RGS7: variants seen among roughly 807,000 people sequenced by gnomAD.
RGS7 encodes regulator of G-protein signaling 7.
A neutral mutation model predicts 81.1 loss-of-function variants in RGS7; 27 were observed. The observed-to-expected ratio is 0.33, with a 90% CI of 0.25 to 0.46. The LOEUF (loss-of-function observed/expected upper bound fraction) is 0.46. RGS7 is among the 20% of genes least tolerant of loss of function. RGS7 has a pLI of 1.00. For synonymous variants in RGS7, 208 were observed against 207.7 expected (o/e 1.00, Z -0.01); for missense variants, 396 against 607.4 (o/e 0.65, Z 3.66).
intron 3 of RGS7, among the ~76,000 whole-genome samples, chr1:241,047,566 A>G (rs566383562): frequency 4.4e-4 from 67 of 152,256 alleles, no homozygotes; most frequent in African/African-American, 1.6e-3. Flanking sequence ...GAAATACAAC[A>G]TAACATACTT....
At chr1:240,793,611 A>ATATATATATATATATATATATATATT in intron 18 of RGS7, among the ~76,000 whole-genome samples, 1 of 78,872 alleles carries the variant, frequency 1.3e-5, no homozygotes, top group Non-Finnish European at 2.0e-5. Context: ...ATATATATAT[A>ATATATATATATATATATATATATATT]TTTTTTTTTT....
chr1:241,012,439 C>A (rs2059006719), intron 3 of RGS7, among the ~76,000 whole-genome samples: 1 of 152,116 alleles, frequency 6.6e-6, no homozygotes, highest in South Asian at 2.1e-4. Context: ...GACAGTAAGT[C>A]ACCAGACAGT....
At chr1:241,348,261 C>T (rs2083029179) in intron 2 of RGS7, among the ~76,000 whole-genome samples, 1 of 152,186 alleles carries the variant, frequency 6.6e-6, no homozygotes, top group Non-Finnish European at 1.5e-5. Context: ...GCATCAAATC[C>T]AGGACTTCCA....
chr1:240,801,653 A>C (rs1688045248), intron 16 of RGS7, 145 bp from the exon 17 acceptor site: 2 of 701,534 alleles, frequency 2.9e-6, no homozygotes, highest in Non-Finnish European at 5.0e-6. Flanking sequence ...AGGCCCATAG[A>C]GGTTGGAGAG....
At chr1:241,274,950 T>G (rs61832565) in intron 2 of RGS7, among the ~76,000 whole-genome samples, 15,710 of 152,266 alleles carry the variant, frequency 0.1, 1,109 homozygotes, top group East Asian at 0.31. Flanking sequence ...GACGGACTGA[T>G]TATTCAAATT....
At chr1:241,284,983 G>A (rs1227815766) in intron 2 of RGS7, among the ~76,000 whole-genome samples, 1 of 152,038 alleles carries the variant, frequency 6.6e-6, no homozygotes, top group Non-Finnish European at 1.5e-5. Flanking sequence ...TCATTCTCCT[G>A]CCTCAGCCTC....
intron 2 of RGS7, among the ~76,000 whole-genome samples, chr1:241,280,340 C>T (rs1337921001): frequency 6.6e-6 from 1 of 152,136 alleles, no homozygotes; most frequent in Non-Finnish European, 1.5e-5. Context: ...TCCTCATGGC[C>T]TGCTGATACC....
At chr1:241,257,970 T>G (rs1357632618) in intron 2 of RGS7, among the ~76,000 whole-genome samples, 2 of 152,180 alleles carry the variant, frequency 1.3e-5, no homozygotes, top group Admixed American at 6.5e-5. Flanking sequence ...TCATATAGTA[T>G]AAAGGTATTA....
intron 4 of RGS7, among the ~76,000 whole-genome samples, chr1:240,945,155 C>T (rs532844433): frequency 6.6e-6 from 1 of 152,346 alleles, no homozygotes; most frequent in African/African-American, 2.4e-5. Context: ...TTTTTGCCTC[C>T]TTGTGTCAAA....
intron 6 of RGS7, among the ~76,000 whole-genome samples, chr1:240,911,898 T>C (rs544165995): frequency 1.2e-3 from 180 of 151,744 alleles, no homozygotes; most frequent in African/African-American, 4.2e-3. Context: ...TCCCAGCACT[T>C]TGGGAGGCTG....
At chr1:240,947,792 CG>C (rs1678889292) in intron 4 of RGS7, among the ~76,000 whole-genome samples, 1 of 152,158 alleles carries the variant, frequency 6.6e-6, no homozygotes, top group African/African-American at 2.4e-5. Context: ...TTCTCAGGAT[CG>C]AAATAAAATT....
intron 2 of RGS7, among the ~76,000 whole-genome samples, chr1:241,351,305 G>T (rs1435361977): frequency 6.6e-6 from 1 of 152,048 alleles, no homozygotes; most frequent in African/African-American, 2.4e-5. Flanking sequence ...TGTAGTCCCA[G>T]CTACTTGGGA....
intron 3 of RGS7, among the ~76,000 whole-genome samples, chr1:241,089,055 CTCTCTCTCTA>C (rs1435924575): frequency 1.4e-4 from 7 of 51,726 alleles, no homozygotes; most frequent in South Asian, 6.3e-4. Context: ...CTCTCTCTCT[CTCTCTCTCTA>C]TATATATATA....
At chr1:241,161,495 TATA>T (rs1369687268) in intron 2 of RGS7, among the ~76,000 whole-genome samples, 17 of 146,428 alleles carry the variant, frequency 1.2e-4, no homozygotes, top group African/African-American at 4.1e-4. Flanking sequence ...ATATAATAAT[TATA>T]TTATTATAAC....
intron 3 of RGS7, among the ~76,000 whole-genome samples, chr1:240,988,259 A>G (rs1014886965): frequency 6.6e-6 from 1 of 150,734 alleles, no homozygotes; most frequent in Non-Finnish European, 1.5e-5. Flanking sequence ...ACCACAGTGT[A>G]TCTCTCATTA....
chr1:240,835,294 C>T (rs1301519307), intron 9 of RGS7, among the ~76,000 whole-genome samples: 1 of 152,178 alleles, frequency 6.6e-6, no homozygotes, highest in African/African-American at 2.4e-5. Context: ...TCTGAACAGG[C>T]ACCTCACCAA....
At chr1:241,230,236 CAG>C (rs897716621) in intron 2 of RGS7, among the ~76,000 whole-genome samples, 8 of 152,042 alleles carry the variant, frequency 5.3e-5, no homozygotes, top group African/African-American at 1.7e-4. Context: ...TTATTTGAGA[CAG>C]AGTCTTACTC....
intron 3 of RGS7, among the ~76,000 whole-genome samples, chr1:241,030,374 A>ATATATATATATATG (rs2060013063): frequency 8.3e-6 from 1 of 120,348 alleles, no homozygotes; most frequent in African/African-American, 4.1e-5. Flanking sequence ...ATATATATAT[A>ATATATATATATATG]CATACACACA....
intron 2 of RGS7, among the ~76,000 whole-genome samples, chr1:241,270,458 AC>A (rs1411030625): frequency 5.9e-5 from 9 of 152,214 alleles, no homozygotes; most frequent in Non-Finnish European, 1.0e-4. Context: ...CAAGGATAAA[AC>A]TTTTATCTTA....
Sources: gnomAD v4.1 joint callset for allele counts (sites outside exome capture counted in the v4.1 genomes callset) on GRCh38, gnomAD v4.1.1 for gene constraint, MANE v1.5 for transcripts, NCBI Gene and HGNC (gene_info 2026-07-23, HGNC 2026-07-21) for gene names.